The following ZFR variants were observed in gnomAD, a reference collection of about 807,000 sequenced individuals.
The protein encoded by ZFR is zinc finger RNA binding protein.
A neutral mutation model predicts 130.7 loss-of-function variants in ZFR; 19 were observed. That is an observed-to-expected ratio of 0.15 (90% CI 0.10 to 0.21). The LOEUF is 0.21. Among genes scored for constraint, ZFR ranks in the 10% least tolerant of loss-of-function variants. ZFR has a pLI of 1.00. For missense variants in ZFR, 872 were observed against 1,321.5 expected, an observed-to-expected ratio of 0.66 and a Z score of 5.27; for synonymous variants, 466 against 456.9, an observed-to-expected ratio of 1.02 and a Z score of -0.25.
intron 19 of ZFR, among the ~76,000 whole-genome samples, chr5:32,363,595 A>C (rs921015106): frequency 6.6e-6 from 1 of 152,186 alleles, no homozygotes; most frequent in Non-Finnish European, 1.5e-5. Flanking sequence ...ATGACCATAA[A>C]CACCACAGCA....
intron 1 of ZFR, 112 bp downstream of exon 1, chr5:32,444,510 G>A: frequency 7.5e-7 from 1 of 1,333,612 alleles, no homozygotes; most frequent in African/African-American, 1.6e-5. Flanking sequence ...TCGCACGCCC[G>A]GGTGGCGGCC....
intron 5 of ZFR, among the ~76,000 whole-genome samples, chr5:32,412,544 C>A: frequency 6.6e-6 from 1 of 152,186 alleles, no homozygotes; most frequent in Admixed American, 6.5e-5. Flanking sequence ...CAAATACATA[C>A]AAAGCCCAGC....
In ZFR at chr5:32,427,374, C is replaced by CAAAAAAAA. The variant is rs540663022; in HGVS notation, c.138-7279_138-7272dup. Among the ~76,000 whole-genome samples the CAAAAAAAA allele has an allele frequency of 1.7e-3, 115 of 66,464 alleles. 2 individuals carry two copies. Among genetic ancestry groups the CAAAAAAAA allele is most frequent in the African/African-American group, 7.1e-3 (109 of 15,308 alleles). The allele number at this position is 66,464 out of a possible 152,430, so 43.6% of individuals were successfully genotyped here. A position where few individuals can be genotyped will look rare whatever the true frequency, so the allele number is the denominator to read the frequency against. ...TGGGCAACACAGCAAGACTCTGTCT[C>CAAAAAAAA]AAAAAAAAAAAAAAAAAAAAAAGGA... On this transcript the variant is annotated intron_variant, in intron 2 of 19. Transcript: ENST00000265069.
chr5:32,403,395 C>T lies in ZFR; in HGVS notation c.1227G>A (p.Val409=), dbSNP rs142228440. Residue 409 remains valine (V), a splice_region_variant and synonymous_variant, in exon 8 of 20, where the codon GTG becomes GTA. Coordinates refer to ENST00000265069, the MANE Select transcript of ZFR (RefSeq NM_016107.5). The part of the protein sequence containing the change: ...AHIRGAKHQK[V]VKLHTKLGKP... Reference sequence around the variant, plus strand: ...TACCAAGTTTTGTGTGTAACTTAACCACCTATAAAACAAAAGCACACTTAT... The same window carrying T: ...TACCAAGTTTTGTGTGTAACTTAACTACCTATAAAACAAAAGCACACTTAT... 8.7e-6 allele frequency: 14 copies of T among 1,611,346 alleles called. No homozygotes were observed. The highest frequency in any genetic ancestry group is 1.7e-5 in the Admixed American group (1 of 59,946).
At chr5:32,355,968 T>A in intron 19 of ZFR, 29 bp from the exon 20 acceptor site, 2 of 1,550,874 alleles carry the variant, frequency 1.3e-6, no homozygotes, top group Non-Finnish European at 1.7e-6. Flanking sequence ...GAATTTTGAG[T>A]TAATTGAAAA....
At chr5:32,378,991 C>T (rs978088458) in intron 17 of ZFR, 124 bp downstream of exon 17, 1 of 666,620 alleles carries the variant, frequency 1.5e-6, no homozygotes, top group Admixed American at 3.5e-5. Context: ...GATTTTTCAT[C>T]AGAAAAGAAA....
At chr5:32,399,559 G>A (rs1262797962) in intron 9 of ZFR, among the ~76,000 whole-genome samples, 1 of 152,146 alleles carries the variant, frequency 6.6e-6, no homozygotes, top group Non-Finnish European at 1.5e-5. Flanking sequence ...CTGTAAAACA[G>A]CAACAGTCTT....
At chr5:32,366,860 T>C (rs532781730) in intron 17 of ZFR, among the ~76,000 whole-genome samples, 119 of 151,182 alleles carry the variant, frequency 7.9e-4, no homozygotes, top group African/African-American at 2.8e-3. Flanking sequence ...GATTGTAATA[T>C]TTGCTTTAAA....
At chr5:32,372,699 GGC>G (rs1015765196) in intron 17 of ZFR, among the ~76,000 whole-genome samples, 2 of 152,060 alleles carry the variant, frequency 1.3e-5, no homozygotes, top group African/African-American at 4.8e-5. Flanking sequence ...CAGACATGGT[GGC>G]GCGCGCGCTT....
chr5:32,389,871 C>A (rs1305612852), intron 12 of ZFR, among the ~76,000 whole-genome samples: 1 of 152,210 alleles, frequency 6.6e-6, no homozygotes, highest in Admixed American at 6.5e-5. Flanking sequence ...TTGTATCAAG[C>A]TGGGTGAGGT....
At chr5:32,366,741 G>C (rs1752554006) in intron 17 of ZFR, among the ~76,000 whole-genome samples, 1 of 152,110 alleles carries the variant, frequency 6.6e-6, no homozygotes, top group Non-Finnish European at 1.5e-5. Context: ...TTCAGGTTTT[G>C]ATGTAAAGGG....
At chr5:32,372,661 C>T (rs1170412431) in intron 17 of ZFR, among the ~76,000 whole-genome samples, 5 of 151,874 alleles carry the variant, frequency 3.3e-5, no homozygotes, top group South Asian at 2.1e-4. Context: ...GGTGAAACTC[C>T]GTCTCTACTA....
intron 2 of ZFR, among the ~76,000 whole-genome samples, chr5:32,423,002 C>A (rs1210570909): frequency 6.6e-6 from 1 of 151,728 alleles, no homozygotes; most frequent in African/African-American, 2.4e-5. Flanking sequence ...GCCAGGGACT[C>A]ACTACAAAAA....
chr5:32,438,731 T>G (rs1265460598), intron 2 of ZFR, among the ~76,000 whole-genome samples: 1 of 145,524 alleles, frequency 6.9e-6, no homozygotes, highest in Non-Finnish European at 1.5e-5. Context: ...ATTATGAAAC[T>G]CTCTATATAA....
chr5:32,396,438 T>C (rs918850807), intron 10 of ZFR, among the ~76,000 whole-genome samples: 1 of 151,826 alleles, frequency 6.6e-6, no homozygotes, highest in Admixed American at 6.6e-5. Flanking sequence ...CAATCTAGCC[T>C]AGTTAAAAAC....
intron 17 of ZFR, among the ~76,000 whole-genome samples, chr5:32,366,604 C>T (rs1455044010): frequency 6.6e-6 from 1 of 152,022 alleles, no homozygotes; most frequent in African/African-American, 2.4e-5. Context: ...TATTAATTTT[C>T]TAAAGAACAT....
chr5:32,399,966 T>C (rs1753408181), intron 9 of ZFR, 41 bp downstream of exon 9: 2 of 1,539,894 alleles, frequency 1.3e-6, no homozygotes, highest in Non-Finnish European at 1.8e-6. Flanking sequence ...ACTTCTTCCC[T>C]TTATCCAATT....
intron 19 of ZFR, among the ~76,000 whole-genome samples, chr5:32,361,618 CTTTTTTT>C (rs1194868463): frequency 1.5e-5 from 2 of 134,036 alleles, no homozygotes; most frequent in Non-Finnish European, 3.2e-5. Flanking sequence ...TCAGCCTATT[CTTTTTTT>C]TTTTTTTTTT....
Position 32,403,289 on chromosome 5 carries a change from A to G in ZFR, c.1333T>C (p.Ser445Pro). The G allele has an allele frequency of 6.2e-7, 1 of 1,614,168 alleles. No homozygotes were observed. The highest frequency in any genetic ancestry group is 2.2e-5 in the East Asian group (1 of 44,886). Residue 445 changes from serine to proline, a missense_variant, in exon 8 of 20, where the codon TCT becomes CCT. By Grantham distance (74) the Ser-to-Pro change is moderately conservative (BLOSUM62 -1). Around this residue, in one of 7 missense-constraint regions of ZFR, gnomAD observed 143 missense variants for 137.9 expected, o/e 1.04. Transcript: ENST00000265069. ...TAVSASKPTA[S>P]PSSIAANNCT... ...TTGTTTGCTGCAATGCTTGAAGGAG[A>G]GGCAGTCGGCTTTGAAGCAGATACA...
Sources: gnomAD v4.1 joint callset for allele counts (sites outside exome capture counted in the v4.1 genomes callset) on GRCh38, gnomAD v4.1.1 for gene constraint, gnomAD v4.1.1 regional missense constraint, MANE v1.5 for transcripts, NCBI Gene and HGNC (gene_info 2026-07-23, HGNC 2026-07-21) for gene names.